ANKS1B: variants seen among roughly 807,000 people sequenced by gnomAD.
ANKS1B encodes the protein ankyrin repeat and sterile alpha motif domain-containing protein 1B.
ANKS1B carries 36 observed loss-of-function variants against 148.3 expected under a neutral mutation model. The observed-to-expected ratio is 0.24, with a 90% CI of 0.19 to 0.32. The LOEUF is 0.32. Ranked by LOEUF, ANKS1B falls within the 10% of genes least tolerant of loss-of-function variation. The pLI is 1.00. For synonymous variants in ANKS1B, 542 were observed against 560.8 expected (o/e 0.97, Z 0.47); for missense variants, 1,157 against 1,542.6 (o/e 0.75, Z 4.19).
intron 8 of ANKS1B, among the ~76,000 whole-genome samples, chr12:99,686,052 C>T (rs1011665173): frequency 6.6e-6 from 1 of 152,026 alleles, no homozygotes; most frequent in African/African-American, 2.4e-5. Flanking sequence ...GATAGGTGCA[C>T]CAAAATCTCA....
chr12:99,803,632 A>C (rs963695029), intron 4 of ANKS1B, among the ~76,000 whole-genome samples: 3 of 152,192 alleles, frequency 2.0e-5, no homozygotes, highest in South Asian at 2.1e-4. Flanking sequence ...AAGGAATGAC[A>C]ATGGCAATGA....
At chr12:98,881,410 T>C (rs1167264779) in intron 17 of ANKS1B, among the ~76,000 whole-genome samples, 2 of 152,196 alleles carry the variant, frequency 1.3e-5, no homozygotes, top group African/African-American at 4.8e-5. Flanking sequence ...CATATTAAAC[T>C]GTTTTCTATA....
At chr12:99,902,194 C>T (rs140492698) in intron 1 of ANKS1B, among the ~76,000 whole-genome samples, 111 of 152,276 alleles carry the variant, frequency 7.3e-4, no homozygotes, top group Admixed American at 1.0e-3. Flanking sequence ...AGTATAAAGC[C>T]TCTCTGAGGA....
intron 17 of ANKS1B, among the ~76,000 whole-genome samples, chr12:99,009,945 G>C (rs1440847312): frequency 6.6e-6 from 1 of 152,058 alleles, no homozygotes; most frequent in South Asian, 2.1e-4. Context: ...ACTTCAATTA[G>C]AGCAAAGCTC....
At chr12:98,923,158 C>T (rs1336850459) in intron 17 of ANKS1B, among the ~76,000 whole-genome samples, 1 of 152,104 alleles carries the variant, frequency 6.6e-6, no homozygotes, top group African/African-American at 2.4e-5. Flanking sequence ...GGTTAGTTCC[C>T]TTGAAAGTGA....
chr12:98,787,112 C>T (rs1462482626), intron 22 of ANKS1B, among the ~76,000 whole-genome samples: 3 of 152,120 alleles, frequency 2.0e-5, no homozygotes, highest in Non-Finnish European at 2.9e-5. Context: ...TTTGGTAGCC[C>T]TAAGTGACTT....
intron 1 of ANKS1B, among the ~76,000 whole-genome samples, chr12:99,869,787 T>C (rs747557820): frequency 5.9e-5 from 9 of 151,928 alleles, no homozygotes; most frequent in Non-Finnish European, 1.3e-4. Context: ...AAAACTGCTA[T>C]ATGCCTCACA....
chr12:99,841,764 A>C (rs548140318), intron 1 of ANKS1B, among the ~76,000 whole-genome samples: 6 of 152,118 alleles, frequency 3.9e-5, no homozygotes, highest in African/African-American at 1.2e-4. Context: ...TAGGCTTTCT[A>C]ATTTATTGAC....
rs540290446 is a variant in ANKS1B, at chr12:98,752,503, C to T, written c.3580-981G>A. On this transcript the variant is annotated intron_variant, in intron 25 of 26. Transcript: ENST00000683438. ...CATATTCCTGACCTCATGATCCACC[C>T]GCCTCAGCCTCCCAAAGTGCTGGGA... Among the ~76,000 whole-genome samples, 18 of 152,126 alleles carry T rather than the reference C, an allele frequency of 1.2e-4. No homozygotes were observed. The East Asian group carries it at 1.9e-3, about 16-fold the overall frequency.
chr12:98,897,167 T>C (rs1358800609), intron 17 of ANKS1B, among the ~76,000 whole-genome samples: 1 of 152,182 alleles, frequency 6.6e-6, no homozygotes, highest in Non-Finnish European at 1.5e-5. Context: ...GGGAAGTCGC[T>C]GTCCATGGTG....
intron 15 of ANKS1B, among the ~76,000 whole-genome samples, chr12:99,133,502 T>C (rs746117634): frequency 3.9e-5 from 6 of 152,216 alleles, no homozygotes; most frequent in Non-Finnish European, 5.9e-5. Flanking sequence ...ACTCATTCTC[T>C]CTCCTTTACA....
chr12:99,276,782 G>GTAGCAGATGAAGAAATCACCCTTTC (rs2077732505), intron 12 of ANKS1B, among the ~76,000 whole-genome samples: 1 of 152,160 alleles, frequency 6.6e-6, no homozygotes, highest in Non-Finnish European at 1.5e-5. Flanking sequence ...CATTTTATAG[G>GTAGCAGATGAAGAAATCACCCTTTC]TAGCAGATGA....
chr12:99,902,167 A>T (rs982841434), intron 1 of ANKS1B, among the ~76,000 whole-genome samples: 5 of 152,230 alleles, frequency 3.3e-5, no homozygotes, highest in African/African-American at 9.6e-5. Flanking sequence ...GCAGAATTTC[A>T]GGATAAAGAG....
chr12:98,843,652 A>G (rs901059223), intron 17 of ANKS1B, among the ~76,000 whole-genome samples: 51 of 152,224 alleles, frequency 3.4e-4, no homozygotes, highest in Admixed American at 6.5e-5. Context: ...CAGTGTGACT[A>G]CAGTTTAATC....
intron 8 of ANKS1B, among the ~76,000 whole-genome samples, chr12:99,717,500 A>G (rs12317425): frequency 0.67 from 101,813 of 151,910 alleles, 34,205 homozygotes; most frequent in Non-Finnish European, 0.7. Flanking sequence ...AGGAATGCCC[A>G]CAGCCCGGGA....
In ANKS1B at chr12:98,751,167, G is replaced by A. The variant is rs1052369840; in HGVS notation, c.3747+188C>T. On this transcript the variant is annotated intron_variant, in intron 26 of 26. Transcript: ENST00000683438. The surrounding 1 kb of genome is among the most constrained non-coding windows in gnomAD (Gnocchi z 4.3). ...TCTCTGGAGGCTCCAGGTTGAGGGA[G>A]ATGGTGCCCAAGACTTGGTGGGAAC... Among the ~76,000 whole-genome samples the A allele has an allele frequency of 8.5e-5, 13 of 152,208 alleles. No individual in the cohort carries two copies. The highest frequency in any genetic ancestry group is 3.9e-4 in the Admixed American group (6 of 15,282).
intron 17 of ANKS1B, among the ~76,000 whole-genome samples, chr12:99,011,661 G>A (rs2099939515): frequency 6.6e-6 from 1 of 152,124 alleles, no homozygotes; most frequent in South Asian, 2.1e-4. Context: ...CAACATATAT[G>A]TTTCTAAAAT....
At chr12:99,337,315 T>G (rs2089102547) in intron 12 of ANKS1B, among the ~76,000 whole-genome samples, 1 of 152,062 alleles carries the variant, frequency 6.6e-6, no homozygotes, top group South Asian at 2.1e-4. Flanking sequence ...GTCAACTGAA[T>G]TTTTCTGCTC....
At chr12:99,454,054 A>T (rs755904423) in intron 10 of ANKS1B, among the ~76,000 whole-genome samples, 1 of 152,236 alleles carries the variant, frequency 6.6e-6, no homozygotes, top group Non-Finnish European at 1.5e-5. Context: ...AGAATATGCA[A>T]CAGGGCAGAA....
Sources: gnomAD v4.1 joint callset for allele counts (sites outside exome capture counted in the v4.1 genomes callset) on GRCh38, gnomAD v4.1.1 for gene constraint, Gnocchi (gnomAD v3.1) non-coding constraint, MANE v1.5 for transcripts, NCBI Gene and HGNC (gene_info 2026-07-23, HGNC 2026-07-21) for gene names.